WDR41: variants seen among roughly 807,000 people sequenced by gnomAD.
WDR41 encodes WD repeat-containing protein 41.
WDR41 carries 63 observed loss-of-function variants against 69.3 expected under a neutral mutation model. The observed-to-expected ratio is 0.91, with a 90% CI of 0.74 to 1.12. WDR41 has a LOEUF of 1.12. Among genes scored for constraint, WDR41 ranks in the 50% most tolerant of loss-of-function variants. The pLI is 0.00. For synonymous variants in WDR41, 185 were observed against 192.1 expected (o/e 0.96, Z 0.31); for missense variants, 543 against 534.5 (o/e 1.02, Z -0.16).
At chr5:77,476,163 T>C (rs1460188574) in intron 2 of WDR41, among the ~76,000 whole-genome samples, 4 of 152,000 alleles carry the variant, frequency 2.6e-5, no homozygotes, top group Non-Finnish European at 4.4e-5. Context: ...CCAAGAAATA[T>C]GGGACTATGT....
At position 77,491,961 on chromosome 5, in the gene WDR41, G is replaced by A. The variant is rs56183389; in HGVS notation, c.51+209C>T. 8.6e-3 allele frequency: 4,958 copies of A among 575,366 alleles called. 30 individuals are homozygous for A. The highest frequency in any genetic ancestry group is 0.024 in the Middle Eastern group (54 of 2,260). The allele number at this position is 575,366 out of a possible 1,614,324, so 35.6% of individuals were successfully genotyped here. A position where few individuals can be genotyped will look rare whatever the true frequency, so the allele number is the denominator to read the frequency against. The stretch of plus-strand genomic sequence containing the variant: ...CGGGGCCGGGGGTCTGCAGCTCCAG[G>A]GTGCGCCTGGGGTCCCGCCGGGTCT... On this transcript the variant is annotated intron_variant, in intron 1 of 12. Coordinates refer to ENST00000296679, the MANE Select transcript of WDR41 (RefSeq NM_018268.4).
At chr5:77,577,288 C>A (rs1743851702) in intron 1 of WDR41, among the ~76,000 whole-genome samples, 1 of 150,940 alleles carries the variant, frequency 6.6e-6, no homozygotes, top group Non-Finnish European at 1.5e-5. Context: ...AAAACAATAT[C>A]CCCACCCCAC....
At chr5:77,598,531 A>AGAG in intron 1 of WDR41, among the ~76,000 whole-genome samples, 1 of 152,338 alleles carries the variant, frequency 6.6e-6, no homozygotes, top group South Asian at 2.1e-4. Flanking sequence ...AGCACAAGTC[A>AGAG]GAGGTGAGAG....
chr5:77,617,254 C>A (rs554775481), intron 1 of WDR41, among the ~76,000 whole-genome samples: 1 of 152,264 alleles, frequency 6.6e-6, no homozygotes, highest in Non-Finnish European at 1.5e-5. Context: ...ATTTAAATAG[C>A]CACATGGTGC....
chr5:77,569,580 T>C (rs956927700), intron 1 of WDR41, among the ~76,000 whole-genome samples: 3 of 152,198 alleles, frequency 2.0e-5, no homozygotes, highest in African/African-American at 4.8e-5. Context: ...ATTTATGCTA[T>C]CTTTAAAAAT....
intron 2 of WDR41, among the ~76,000 whole-genome samples, chr5:77,478,545 C>A (rs1370014458): frequency 6.6e-6 from 1 of 152,160 alleles, no homozygotes; most frequent in Non-Finnish European, 1.5e-5. Flanking sequence ...AAATGTAATC[C>A]ATCATATAAA....
At chr5:77,588,859 G>A (rs1454696462) in intron 1 of WDR41, among the ~76,000 whole-genome samples, 8 of 152,118 alleles carry the variant, frequency 5.3e-5, no homozygotes, top group Admixed American at 5.2e-4. Context: ...AGCACTGTAT[G>A]CCTAAAAGAA....
At chr5:77,527,034 A>C (rs1399266374) in intron 1 of WDR41, among the ~76,000 whole-genome samples, 1 of 152,022 alleles carries the variant, frequency 6.6e-6, no homozygotes, top group Non-Finnish European at 1.5e-5. Flanking sequence ...CTCTATACTT[A>C]TGACATACCT....
intron 1 of WDR41, among the ~76,000 whole-genome samples, chr5:77,604,452 T>C (rs777363151): frequency 3.9e-5 from 6 of 152,228 alleles, no homozygotes; most frequent in African/African-American, 9.6e-5. Context: ...ATATAGTCTT[T>C]CAAGGCTCAA....
chr5:77,436,423 T>C lies in WDR41; in HGVS notation c.1094-29A>G, dbSNP rs762559239. 4.3e-6 allele frequency: 7 copies of C among 1,612,976 alleles called. No homozygotes were observed. In the Admixed American group the frequency reaches 1.0e-4, roughly 23 times the overall value. ...GAAAAAGAATCATTTCCAAAATTAC[T>C]GTGCTCTGTACTTACAATAACATGA... On this transcript the variant is annotated intron_variant, in intron 11 of 12. Transcript: ENST00000296679.
chr5:77,562,712 A>G (rs190245069), intron 1 of WDR41, among the ~76,000 whole-genome samples: 4 of 152,358 alleles, frequency 2.6e-5, no homozygotes, highest in Admixed American at 2.6e-4. Context: ...ACTAAAGGGT[A>G]TTCCATACAT....
intron 1 of WDR41, among the ~76,000 whole-genome samples, chr5:77,574,392 C>T (rs1208462681): frequency 1.3e-5 from 2 of 152,040 alleles, no homozygotes; most frequent in Non-Finnish European, 2.9e-5. Context: ...CCTCTTATTC[C>T]ACACCAAGCT....
intron 1 of WDR41, among the ~76,000 whole-genome samples, chr5:77,523,696 C>T (rs1240706919): frequency 6.6e-6 from 1 of 151,900 alleles, no homozygotes; most frequent in Non-Finnish European, 1.5e-5. Flanking sequence ...ACAATCTTGC[C>T]AACGATGAGA....
chr5:77,508,834 G>A (rs1802153132), intron 1 of WDR41, among the ~76,000 whole-genome samples: 1 of 152,116 alleles, frequency 6.6e-6, no homozygotes. Context: ...ACTCATCACA[G>A]TGTGCATCCT....
intron 9 of WDR41, among the ~76,000 whole-genome samples, chr5:77,439,842 A>G (rs1420081704): frequency 6.6e-6 from 1 of 152,226 alleles, no homozygotes; most frequent in African/African-American, 2.4e-5. Flanking sequence ...TGTAACATTT[A>G]AAATAGATAA....
Position 77,433,029 on chromosome 5 carries a change from A to G in WDR41, c.*106T>C, listed in dbSNP as rs574756813. Reference sequence around the variant, plus strand: ...TAAACATGTAGAATTTTATGGACTGACAAAAAAAATTACCAATTTAAGTGA... The same window carrying G: ...TAAACATGTAGAATTTTATGGACTGGCAAAAAAAATTACCAATTTAAGTGA... On this transcript the variant is annotated 3_prime_UTR_variant, in exon 13 of 13. Coordinates refer to ENST00000296679, the MANE Select transcript of WDR41 (RefSeq NM_018268.4). 7.6e-7 allele frequency: 1 copy of G among 1,310,658 alleles called. No homozygotes were observed. Among genetic ancestry groups the G allele is most frequent in the East Asian group, 2.5e-5 (1 of 39,602 alleles). The allele number at this position is 1,310,658 out of a possible 1,614,324, so 81.2% of individuals were successfully genotyped here.
At chr5:77,565,727 C>T (rs977744609) in intron 1 of WDR41, among the ~76,000 whole-genome samples, 7 of 152,154 alleles carry the variant, frequency 4.6e-5, no homozygotes, top group Admixed American at 6.6e-5. Context: ...ATACTCTTCC[C>T]TCTACATTTT....
intron 1 of WDR41, among the ~76,000 whole-genome samples, chr5:77,510,176 G>A (rs1232864925): frequency 3.9e-5 from 6 of 152,222 alleles, no homozygotes; most frequent in African/African-American, 1.4e-4. Flanking sequence ...CCCAATCATG[G>A]TGGAAGGCAA....
Position 77,442,894 on chromosome 5 carries a change from C to CAAAAAAA in WDR41, c.698-1904_698-1898dup, listed in dbSNP as rs60442242. Reference sequence around the variant, plus strand: ...GCGACAGAGCGAGACTCTGTCTCCCCAAAAAAAAAAAAAAAAAAAGGATTT... The same window carrying CAAAAAAA: ...GCGACAGAGCGAGACTCTGTCTCCCCAAAAAAAAAAAAAAAAAAAAAAAAAAGGATTT... On this transcript the variant is annotated intron_variant, in intron 8 of 12. Coordinates refer to ENST00000296679, the MANE Select transcript of WDR41 (RefSeq NM_018268.4). Among the ~76,000 whole-genome samples, 4 of 56,258 alleles carry CAAAAAAA rather than the reference C, an allele frequency of 7.1e-5. 1 individual carries two copies. Among genetic ancestry groups the CAAAAAAA allele is most frequent in the African/African-American group, 3.0e-4 (3 of 9,934 alleles). 36.9% of individuals were successfully genotyped at this position (56,258 alleles called of 152,430 possible). A position where few individuals can be genotyped will look rare whatever the true frequency, so the allele number is the denominator to read the frequency against.
Sources: allele counts gnomAD v4.1 joint callset (sites outside exome capture counted in the v4.1 genomes callset), GRCh38; gene constraint gnomAD v4.1.1; transcripts MANE v1.5; gene names NCBI Gene and HGNC (gene_info 2026-07-23, HGNC 2026-07-21).